Variants in SOX5 observed in about 807,000 individuals in gnomAD.
SOX5 encodes SRY-box transcription factor 5, also known as transcription factor SOX-5.
SOX5 carries 9 observed loss-of-function variants against 92.0 expected under a neutral mutation model. That is an observed-to-expected ratio of 0.10 (90% confidence interval 0.06 to 0.17). SOX5 has a LOEUF of 0.17. Ranked by LOEUF, SOX5 falls within the 10% of genes least tolerant of loss-of-function variation. The probability of loss-of-function intolerance (pLI) is 1.00; values close to 1 mark genes in which losing one functional copy is unlikely to be tolerated. For missense variants in SOX5, 642 were observed against 944.5 expected (o/e 0.68, Z 4.20); for synonymous variants, 344 against 336.3 (o/e 1.02, Z -0.25).
At chr12:23,723,212 C>A (rs1318314581) in intron 6 of SOX5, among the ~76,000 whole-genome samples, 1 of 151,916 alleles carries the variant, frequency 6.6e-6, no homozygotes, top group Non-Finnish European at 1.5e-5. Context: ...CTCTCTTTCT[C>A]CCTCTCTCTC....
At chr12:23,846,498 G>A (rs1029446519) in intron 2 of SOX5, among the ~76,000 whole-genome samples, 5 of 152,132 alleles carry the variant, frequency 3.3e-5, no homozygotes, top group African/African-American at 9.7e-5. Flanking sequence ...TTTAAACTGA[G>A]TATAAATGAC....
intron 8 of SOX5, among the ~76,000 whole-genome samples, chr12:23,637,494 G>A (rs1566590127): frequency 1.3e-5 from 2 of 152,064 alleles, no homozygotes; most frequent in African/African-American, 4.8e-5. Flanking sequence ...GTTCATTACT[G>A]TCTCACACCT....
At chr12:24,493,248 G>C (rs1947274151) in intron 1 of SOX5, among the ~76,000 whole-genome samples, 1 of 152,106 alleles carries the variant, frequency 6.6e-6, no homozygotes, top group African/African-American at 2.4e-5. Flanking sequence ...TTAAAAATCA[G>C]TGTCAACAGT....
Position 24,358,505 on chromosome 12 carries a change from G to A in SOX5, c.-174+10058C>T, listed in dbSNP as rs115538351. ...TCGGCGCCAATGGTCCCAGCTACTCGGGAGGCTGAGGCAGAAGAATGGTGT... is the reference window on the plus strand; with the variant it reads ...TCGGCGCCAATGGTCCCAGCTACTCAGGAGGCTGAGGCAGAAGAATGGTGT... On this transcript the variant is annotated intron_variant, in intron 2 of 4. Coordinates refer to the SOX5 transcript ENST00000446891. 6.2e-3 allele frequency among the ~76,000 whole-genome samples: 946 copies of A among 152,104 alleles called. 11 individuals carry two copies. The highest frequency in any genetic ancestry group is 0.022 in the African/African-American group (892 of 41,460).
chr12:23,899,929 A>T (rs1201229123), intron 1 of SOX5, among the ~76,000 whole-genome samples: 1 of 152,234 alleles, frequency 6.6e-6, no homozygotes, highest in East Asian at 1.9e-4. Flanking sequence ...AAATGACATT[A>T]TAGCTAAGTA....
At chr12:23,872,721 G>T (rs1480703055) in intron 2 of SOX5, among the ~76,000 whole-genome samples, 1 of 152,174 alleles carries the variant, frequency 6.6e-6, no homozygotes, top group Non-Finnish European at 1.5e-5. Flanking sequence ...TATATAGGTT[G>T]TGAGTTTTAT....
intron 4 of SOX5, among the ~76,000 whole-genome samples, chr12:24,145,220 A>C (rs1489356415): frequency 1.3e-5 from 2 of 152,184 alleles, no homozygotes; most frequent in African/African-American, 4.8e-5. Flanking sequence ...TACCTCAAAG[A>C]AGAAATAAAA....
intron 3 of SOX5, among the ~76,000 whole-genome samples, chr12:24,222,219 C>T (rs1960637889): frequency 6.6e-6 from 1 of 152,158 alleles, no homozygotes. Context: ...CCATGAAATG[C>T]CAGTAGAACT....
In SOX5 at chr12:23,883,438, C is replaced by G. The variant is rs190242229; in HGVS notation, c.270+12355G>C. ...ACAGTCTTTTGTTCTGATAAATAAT[C>G]ATAATTAGTAAAAAGAAGACAAACT... On this transcript the variant is annotated intron_variant, in intron 2 of 14. Coordinates refer to ENST00000451604, the MANE Select transcript of SOX5 (RefSeq NM_006940.6). 3.9e-5 allele frequency among the ~76,000 whole-genome samples: 6 copies of G among 152,218 alleles called. No individual in the cohort carries two copies. In the East Asian group the frequency reaches 1.2e-3, roughly 29 times the overall value.
At chr12:23,697,150 A>C (rs970930074) in intron 6 of SOX5, among the ~76,000 whole-genome samples, 5 of 152,186 alleles carry the variant, frequency 3.3e-5, no homozygotes, top group Admixed American at 2.0e-4. Flanking sequence ...TTGTTCAATC[A>C]ATAATTGAAA....
At chr12:23,960,016 T>C (rs1817863614) in intron 4 of SOX5, among the ~76,000 whole-genome samples, 1 of 152,222 alleles carries the variant, frequency 6.6e-6, no homozygotes, top group Non-Finnish European at 1.5e-5. Context: ...CAATGCAGTA[T>C]GTTAATGTTT....
chr12:23,964,195 TA>T (rs960438521), intron 4 of SOX5, among the ~76,000 whole-genome samples: 2 of 152,064 alleles, frequency 1.3e-5, no homozygotes, highest in South Asian at 2.1e-4. Flanking sequence ...ATTGGGAAAT[TA>T]AAAAAAATTA....
At chr12:23,970,341 G>C (rs1352981317) in intron 4 of SOX5, among the ~76,000 whole-genome samples, 3 of 151,702 alleles carry the variant, frequency 2.0e-5, no homozygotes, top group Admixed American at 1.3e-4. Flanking sequence ...GTACAATTCA[G>C]TGGCATTAGT....
At chr12:23,830,844 A>G (rs1239421731) in intron 3 of SOX5, among the ~76,000 whole-genome samples, 1 of 152,138 alleles carries the variant, frequency 6.6e-6, no homozygotes, top group Non-Finnish European at 1.5e-5. Context: ...TTTAATTTCT[A>G]AAGGGCTGCT....
At position 24,241,225 on chromosome 12, in the gene SOX5, C is replaced by T. The variant is rs1006053324; in HGVS notation, c.-76-27808G>A. 3.1e-4 allele frequency among the ~76,000 whole-genome samples: 47 copies of T among 152,116 alleles called. 1 individual carries two copies. Among genetic ancestry groups the T allele is most frequent in the Non-Finnish European group, 5.6e-4 (38 of 68,002 alleles). On this transcript the variant is annotated intron_variant, in intron 3 of 4. Transcript: ENST00000446891. The stretch of plus-strand genomic sequence containing the variant: ...GGATATATCAATACATCCAAAACCA[C>T]AAGATTTTTTCTTACTAGTTAAGAT...
chr12:23,954,476 A>G (rs1363322907), upstream of SOX5, among the ~76,000 whole-genome samples: 1 of 151,840 alleles, frequency 6.6e-6, no homozygotes, highest in Non-Finnish European at 1.5e-5. Flanking sequence ...AGAAAGAAAG[A>G]AAGAAGGAAA....
intron 4 of SOX5, among the ~76,000 whole-genome samples, chr12:24,117,643 G>A (rs1948163293): frequency 6.6e-6 from 1 of 152,184 alleles, no homozygotes; most frequent in South Asian, 2.1e-4. Context: ...CGTTAGAATA[G>A]AAGGAAATTC....
intron 1 of SOX5, among the ~76,000 whole-genome samples, chr12:24,501,972 A>G (rs531830525): frequency 2.0e-5 from 3 of 152,342 alleles, no homozygotes; most frequent in African/African-American, 7.2e-5. Flanking sequence ...GAAAAGACAC[A>G]GATGTAATGC....
At chr12:24,400,144 C>T (rs892262993) in intron 1 of SOX5, among the ~76,000 whole-genome samples, 2 of 152,110 alleles carry the variant, frequency 1.3e-5, no homozygotes, top group Non-Finnish European at 2.9e-5. Flanking sequence ...ACTTCTCAAG[C>T]CATTCATTAA....
Sources: gnomAD v4.1 joint callset for allele counts (sites outside exome capture counted in the v4.1 genomes callset) on GRCh38, gnomAD v4.1.1 for gene constraint, MANE v1.5 for transcripts, NCBI Gene and HGNC (gene_info 2026-07-23, HGNC 2026-07-21) for gene names.